Variants in TBC1D1 observed in about 807,000 individuals in gnomAD.
The protein encoded by TBC1D1 is TBC1 domain family member 1.
Under a neutral mutation model 125.6 loss-of-function variants are expected in TBC1D1, and 89 were observed. The observed-to-expected ratio is 0.71, with a 90% CI of 0.60 to 0.85. The LOEUF (loss-of-function observed/expected upper bound fraction) is 0.85. TBC1D1 is among the 40% of genes least tolerant of loss of function. The probability of loss-of-function intolerance (pLI) is 0.00; values close to 1 mark genes in which losing one functional copy is unlikely to be tolerated. For synonymous variants in TBC1D1, 565 were observed against 564.1 expected (o/e 1.00, Z -0.02); for missense variants, 1,377 against 1,469.2 (o/e 0.94, Z 1.03).
At chr4:37,906,125 C>T (rs1486798724) in intron 2 of TBC1D1, among the ~76,000 whole-genome samples, 1 of 151,966 alleles carries the variant, frequency 6.6e-6, no homozygotes, top group South Asian at 2.1e-4. Context: ...GCTTCATCTT[C>T]AATATTGTCT....
chr4:37,961,776 G>A (rs1006065535), intron 2 of TBC1D1, among the ~76,000 whole-genome samples: 2 of 152,182 alleles, frequency 1.3e-5, no homozygotes, highest in South Asian at 4.1e-4. Flanking sequence ...CCAACTAGAT[G>A]TGGCTATTTA....
chr4:38,053,263 CTAAG>C, intron 11 of TBC1D1, 38 bp downstream of exon 13: 1 of 1,388,454 alleles, frequency 7.2e-7, no homozygotes, highest in Non-Finnish European at 9.4e-7. Flanking sequence ...CTGGGTGTTA[CTAAG>C]TGTTGAATAT....
At chr4:37,975,364 G>T (rs1732851208) in intron 2 of TBC1D1, among the ~76,000 whole-genome samples, 1 of 152,214 alleles carries the variant, frequency 6.6e-6, no homozygotes, top group Admixed American at 6.5e-5. Context: ...AGGATGGAAC[G>T]TGAAGGCAGA....
At chr4:37,894,821 AG>A (rs1201328475) in intron 1 of TBC1D1, among the ~76,000 whole-genome samples, 4 of 152,206 alleles carry the variant, frequency 2.6e-5, no homozygotes, top group African/African-American at 7.2e-5. Flanking sequence ...AAGATATTTG[AG>A]GGTTATTCCC....
chr4:38,006,474 AT>A (rs71190940), intron 2 of TBC1D1, among the ~76,000 whole-genome samples: 1,136 of 101,366 alleles, frequency 0.011, 7 homozygotes, highest in African/African-American at 0.039. Context: ...GACCAACACT[AT>A]TTTTTTTTTT....
chr4:38,083,723 AG>A (rs1299464345), intron 12 of TBC1D1, among the ~76,000 whole-genome samples: 1 of 152,202 alleles, frequency 6.6e-6, no homozygotes, highest in Non-Finnish European at 1.5e-5. Flanking sequence ...GTTCAATCCC[AG>A]ATACCTGGCT....
chr4:37,930,957 A>C (rs900007119), intron 2 of TBC1D1, among the ~76,000 whole-genome samples: 1 of 152,214 alleles, frequency 6.6e-6, no homozygotes, highest in Non-Finnish European at 1.5e-5. Flanking sequence ...TCTCCCATTC[A>C]TATGGAGAAA....
At chr4:38,084,843 A>G (rs138822034) in intron 12 of TBC1D1, among the ~76,000 whole-genome samples, 41 of 152,028 alleles carry the variant, frequency 2.7e-4, no homozygotes, top group African/African-American at 9.4e-4. Context: ...GGATCTGTCT[A>G]CTCGTTTCCT....
At chr4:37,981,683 G>A (rs1289345148) in intron 2 of TBC1D1, among the ~76,000 whole-genome samples, 1 of 152,152 alleles carries the variant, frequency 6.6e-6, no homozygotes, top group Non-Finnish European at 1.5e-5. Context: ...ATATCCAGCT[G>A]GGTGCACAGC....
rs1428008029 is a variant in TBC1D1 at position 38,005,461 on chromosome 4, G to A, written c.418-9048G>A. On this transcript the variant is annotated intron_variant, in intron 2 of 19. Coordinates refer to ENST00000261439, the MANE Select transcript of TBC1D1 (RefSeq NM_015173.4). ...ACTAGGCTGTTTGCAGCTTCAGTAG[G>A]GAGTGTTCAGAGATGTTTTCCTTCC... 3.3e-5 allele frequency among the ~76,000 whole-genome samples: 5 copies of A among 152,114 alleles called. No homozygotes were observed. The East Asian group carries it at 9.7e-4, about 29-fold the overall frequency.
intron 2 of TBC1D1, among the ~76,000 whole-genome samples, chr4:38,006,240 G>T (rs1740141285): frequency 6.6e-6 from 1 of 151,934 alleles, no homozygotes; most frequent in Admixed American, 6.6e-5. Flanking sequence ...TTTCATTAGA[G>T]AATTAGGTAA....
Position 38,049,599 on chromosome 4 carries a change from G to C in TBC1D1, c.1630-19G>C. 6.3e-7 allele frequency: 1 copy of C among 1,589,016 alleles called. No homozygotes were observed. Among genetic ancestry groups the C allele is most frequent in the Non-Finnish European group, 8.6e-7 (1 of 1,167,074 alleles). On this transcript the variant is annotated intron_variant, in intron 10 of 19. Transcript: ENST00000261439. ...ATATTCCCCATGGTGTGTCTGATCT[G>C]CTGTGTGTTTGCTCCCAGGAGCCAT...
rs573357422 is a variant in TBC1D1 at position 37,919,851 on chromosome 4, G to A, written c.417+17339G>A. ...TCTGTGGCCAGGCGCGGTGGCTCACGCCTGTAATCCCAGCACTTTGGGAGG... is the reference window on the plus strand; with the variant it reads ...TCTGTGGCCAGGCGCGGTGGCTCACACCTGTAATCCCAGCACTTTGGGAGG... On this transcript the variant is annotated intron_variant, in intron 2 of 19. Coordinates refer to ENST00000261439, the MANE Select transcript of TBC1D1 (RefSeq NM_015173.4). Among the ~76,000 whole-genome samples the A allele has an allele frequency of 4.5e-4, 68 of 152,104 alleles. 1 individual carries two copies. Among genetic ancestry groups the A allele is most frequent in the Non-Finnish European group, 8.8e-4 (60 of 68,034 alleles).
intron 12 of TBC1D1, among the ~76,000 whole-genome samples, chr4:38,067,989 T>G (rs1209612655): frequency 2.0e-5 from 3 of 152,202 alleles, no homozygotes; most frequent in Non-Finnish European, 4.4e-5. Flanking sequence ...GAGGGATTGT[T>G]CTCGCCTGAC....
chr4:38,054,195 T>C lies in TBC1D1; in HGVS notation c.1911-4T>C. Reference sequence around the variant, plus strand: ...GTCATAAATCAATCATCTTATAATTTTAGGGACTTTGAATCCAAAGCAAAC... The same window carrying C: ...GTCATAAATCAATCATCTTATAATTCTAGGGACTTTGAATCCAAAGCAAAC... On this transcript the variant is annotated splice_polypyrimidine_tract_variant and splice_region_variant and intron_variant, in intron 11 of 19. Transcript: ENST00000261439. 6.2e-7 allele frequency: 1 copy of C among 1,613,968 alleles called. No homozygotes were observed. Among genetic ancestry groups the C allele is most frequent in the Non-Finnish European group, 8.5e-7 (1 of 1,179,826 alleles).
At chr4:38,118,273 C>G in intron 17 of TBC1D1, 81 bp downstream of exon 19, 1 of 1,491,262 alleles carries the variant, frequency 6.7e-7, no homozygotes, top group Non-Finnish European at 9.2e-7. Context: ...CGTGGTGATT[C>G]TTATTTTTAT....
At chr4:37,988,835 A>T (rs1735978293) in intron 2 of TBC1D1, among the ~76,000 whole-genome samples, 1 of 152,166 alleles carries the variant, frequency 6.6e-6, no homozygotes. Flanking sequence ...TCAGGTCGTG[A>T]TGGGAAAGGG....
intron 2 of TBC1D1, among the ~76,000 whole-genome samples, chr4:37,919,835 A>G (rs1418587746): frequency 6.6e-6 from 1 of 152,138 alleles, no homozygotes; most frequent in Non-Finnish European, 1.5e-5. Context: ...ATCTGTGGCC[A>G]GGCGCGGTGG....
intron 13 of TBC1D1, among the ~76,000 whole-genome samples, chr4:38,092,750 AAG>A (rs1468312646): frequency 4.9e-5 from 7 of 143,374 alleles, no homozygotes; most frequent in South Asian, 2.3e-4. Context: ...AAAAAAAAAA[AAG>A]AAAGAAGTAA....
Sources: gnomAD v4.1 joint callset for allele counts (sites outside exome capture counted in the v4.1 genomes callset) on GRCh38, gnomAD v4.1.1 for gene constraint, MANE v1.5 for transcripts, NCBI Gene and HGNC (gene_info 2026-07-23, HGNC 2026-07-21) for gene names.